RYR3: variants seen among roughly 807,000 people sequenced by gnomAD.
The protein encoded by RYR3 is ryanodine receptor 3, also known as brain ryanodine receptor-calcium release channel.
A neutral mutation model predicts 584.3 loss-of-function variants in RYR3; 207 were observed. The ratio of observed to expected loss-of-function variants is 0.35; its 90% CI spans 0.32 to 0.40. The LOEUF is 0.40. Ranked by LOEUF, RYR3 falls within the 10% of genes least tolerant of loss-of-function variation. The pLI, the probability that RYR3 is intolerant of heterozygous loss-of-function variation, is 1.00. For missense variants in RYR3, 5,616 were observed against 6,089.2 expected, an observed-to-expected ratio of 0.92 and a Z score of 2.59; for synonymous variants, 2,416 against 2,248.5, an observed-to-expected ratio of 1.07 and a Z score of -2.11.
At chr15:33,405,908 G>A (rs71462865) in intron 1 of RYR3, among the ~76,000 whole-genome samples, 13,444 of 152,294 alleles carry the variant, frequency 0.088, 697 homozygotes, top group African/African-American at 0.13. Flanking sequence ...CACAGTGGCT[G>A]TAGGCCCATA....
intron 19 of RYR3, among the ~76,000 whole-genome samples, chr15:33,623,290 T>C (rs2060818957): frequency 6.6e-6 from 1 of 152,254 alleles, no homozygotes; most frequent in South Asian, 2.1e-4. Context: ...ATGTACCATT[T>C]GTGATTAATA....
intron 38 of RYR3, among the ~76,000 whole-genome samples, chr15:33,672,158 G>T (rs1375930876): frequency 6.6e-6 from 1 of 151,998 alleles, no homozygotes; most frequent in Non-Finnish European, 1.5e-5. Flanking sequence ...TGGCTGGCGG[G>T]GGGTGGGGTC....
chr15:33,460,399 T>C, intron 1 of RYR3, among the ~76,000 whole-genome samples: 1 of 152,254 alleles, frequency 6.6e-6, no homozygotes, highest in South Asian at 2.1e-4. Flanking sequence ...TGCAACTGAC[T>C]GAAATGCTTC....
chr15:33,576,479 A>C (rs113909511), intron 12 of RYR3, among the ~76,000 whole-genome samples: 3 of 152,214 alleles, frequency 2.0e-5, no homozygotes, highest in African/African-American at 7.2e-5. Context: ...AAATCAATAA[A>C]CACAATTCTT....
chr15:33,580,158 T>C lies in RYR3; in HGVS notation c.1437+14T>C, dbSNP rs1011385834. ...TTCAAGGAAGAGGTAAGTCGAAAAATGAAAAGTTGAAATTCACTTAGTGTC... is the reference window on the plus strand; with the variant it reads ...TTCAAGGAAGAGGTAAGTCGAAAAACGAAAAGTTGAAATTCACTTAGTGTC... On this transcript the variant is annotated intron_variant, in intron 13 of 103. Transcript: ENST00000634891. 3.8e-6 allele frequency: 6 copies of C among 1,571,636 alleles called. No homozygotes were observed. The African/African-American group carries it at 8.1e-5, about 21-fold the overall frequency.
chr15:33,691,567 CT>C (rs1239599832), intron 38 of RYR3, among the ~76,000 whole-genome samples: 1 of 151,364 alleles, frequency 6.6e-6, no homozygotes, highest in Admixed American at 6.6e-5. Flanking sequence ...GTTTCTTATT[CT>C]TTAATTAAAA....
Position 33,701,048 on chromosome 15 carries a change from G to T in RYR3, c.6451G>T (p.Ala2151Ser). The T allele has an allele frequency of 3.7e-6, 6 of 1,613,364 alleles. No individual in the cohort carries two copies. Among genetic ancestry groups the T allele is most frequent in the Non-Finnish European group, 5.1e-6 (6 of 1,179,678 alleles). ...CTCTGTGATGGACAACAATGAGTTAGCGCTGAGCTTAGAGGAACCAGACCT... is the reference window on the plus strand; with the variant it reads ...CTCTGTGATGGACAACAATGAGTTATCGCTGAGCTTAGAGGAACCAGACCT... The part of the protein sequence containing the change: ...ASSVMDNNEL[A>S]LSLEEPDLEK... Residue 2151 changes from alanine to serine, a missense_variant, in exon 42 of 104, where the codon GCG becomes TCG. Transcript: ENST00000634891.
intron 1 of RYR3, among the ~76,000 whole-genome samples, chr15:33,409,554 T>A (rs561956626): frequency 2.0e-5 from 3 of 152,284 alleles, no homozygotes; most frequent in Admixed American, 6.5e-5. Flanking sequence ...AGACAGGAAG[T>A]GGGACAGTGG....
chr15:33,816,625 G>A (rs1034468821), intron 74 of RYR3, among the ~76,000 whole-genome samples: 68 of 152,182 alleles, frequency 4.5e-4, no homozygotes, highest in African/African-American at 1.5e-3. Flanking sequence ...ACAGATAACT[G>A]CCATGTCTTG....
At chr15:33,387,123 C>A (rs1163562856) in intron 1 of RYR3, among the ~76,000 whole-genome samples, 1 of 152,186 alleles carries the variant, frequency 6.6e-6, no homozygotes, top group African/African-American at 2.4e-5. Context: ...TCCCAAAGTG[C>A]TGGGATTACA....
intron 2 of RYR3, among the ~76,000 whole-genome samples, chr15:33,501,594 T>C (rs1442915041): frequency 6.6e-6 from 1 of 152,186 alleles, no homozygotes; most frequent in Non-Finnish European, 1.5e-5. Context: ...AAGCAAACTA[T>C]GGCTTTTATG....
intron 102 of RYR3, among the ~76,000 whole-genome samples, chr15:33,862,447 T>C (rs1373932964): frequency 6.6e-6 from 1 of 152,042 alleles, no homozygotes; most frequent in African/African-American, 2.4e-5. Context: ...GCTCAAGCTA[T>C]CCACCCACCT....
rs138890321 is a variant in RYR3 at position 33,508,114 on chromosome 15, C to T, written c.279+4376C>T. On this transcript the variant is annotated intron_variant, in intron 3 of 103. Coordinates refer to ENST00000634891, the MANE Select transcript of RYR3 (RefSeq NM_001036.6). ...GGTTAACACAATTACCAGCTGCACT[C>T]CTGCCGATAAGGGCTCCGGTTTTCT... Among the ~76,000 whole-genome samples the T allele has an allele frequency of 6.8e-3, 1,041 of 152,248 alleles. 18 individuals are homozygous for T. Among genetic ancestry groups the T allele is most frequent in the African/African-American group, 0.024 (1,002 of 41,530 alleles).
In RYR3 at chr15:33,319,012, C is replaced by T. The variant is rs987537085; in HGVS notation, c.51+7916C>T. On this transcript the variant is annotated intron_variant, in intron 1 of 103. Coordinates refer to ENST00000634891, the MANE Select transcript of RYR3 (RefSeq NM_001036.6). ...AAGTGCTAAGGGGAGCTGCTTATCC[C>T]CTAACAGAGCAAATAGAAAAAGCTC... Among the ~76,000 whole-genome samples, 4 of 152,154 alleles carry T rather than the reference C, an allele frequency of 2.6e-5. No homozygotes were observed. The East Asian group carries it at 7.7e-4, about 29-fold the overall frequency.
intron 51 of RYR3, among the ~76,000 whole-genome samples, 152 bp downstream of exon 51, chr15:33,740,147 C>T (rs1356221225): frequency 2.0e-5 from 3 of 152,156 alleles, no homozygotes; most frequent in African/African-American, 7.2e-5. Context: ...CCATCAGGCA[C>T]AAGGTTTAAT....
intron 1 of RYR3, among the ~76,000 whole-genome samples, chr15:33,352,580 GT>G (rs1352329628): frequency 1.3e-5 from 2 of 152,266 alleles, no homozygotes; most frequent in Admixed American, 1.3e-4. Context: ...GCTTCGTTTT[GT>G]CTCTGCTCAT....
At chr15:33,853,130 A>G in intron 95 of RYR3, 43 bp downstream of exon 95, 2 of 1,488,944 alleles carry the variant, frequency 1.3e-6, no homozygotes, top group African/African-American at 1.4e-5. Flanking sequence ...TCACCAAAAA[A>G]TGTGGTGTAT....
chr15:33,694,314 A>G (rs183531263), intron 38 of RYR3, among the ~76,000 whole-genome samples: 8 of 150,238 alleles, frequency 5.3e-5, no homozygotes, highest in Admixed American at 6.7e-5. Flanking sequence ...GTGCAATCTC[A>G]GCTCACTGCA....
chr15:33,549,094 G>A (rs916736579), intron 9 of RYR3, among the ~76,000 whole-genome samples: 13 of 151,966 alleles, frequency 8.6e-5, no homozygotes, highest in African/African-American at 3.1e-4. Context: ...TAAATTGGCG[G>A]CTGATGGTTT....
Sources: allele counts gnomAD v4.1 joint callset (sites outside exome capture counted in the v4.1 genomes callset), GRCh38; gene constraint gnomAD v4.1.1; transcripts MANE v1.5; gene names NCBI Gene and HGNC (gene_info 2026-07-23, HGNC 2026-07-21).